The following CPSF4L variants were observed in gnomAD, a reference collection of about 807,000 sequenced individuals.
CPSF4L encodes the protein putative cleavage and polyadenylation specificity factor subunit 4-like protein.
A neutral mutation model predicts 24.0 loss-of-function variants in CPSF4L; 18 were observed. The ratio of observed to expected loss-of-function variants is 0.75; its 90% CI spans 0.52 to 1.11. The LOEUF is 1.11. Ranked by LOEUF, CPSF4L falls within the 50% of genes least tolerant of loss-of-function variation. CPSF4L has a pLI of 0.00. For missense variants in CPSF4L, 211 were observed against 221.8 expected, an observed-to-expected ratio of 0.95 and a Z score of 0.31; for synonymous variants, 72 against 77.2, an observed-to-expected ratio of 0.93 and a Z score of 0.35.
intron 3 of CPSF4L, among the ~76,000 whole-genome samples, chr17:73,255,597 A>G (rs1022318048): frequency 1.3e-5 from 2 of 151,862 alleles, no homozygotes; most frequent in African/African-American, 4.8e-5. Context: ...CTCATTTCAC[A>G]GAGAACGCCA....
intron 2 of CPSF4L, among the ~76,000 whole-genome samples, chr17:73,260,706 G>T (rs1010495854): frequency 1.3e-5 from 2 of 152,202 alleles, no homozygotes; most frequent in African/African-American, 4.8e-5. Flanking sequence ...GGCAGAGGTT[G>T]CAGTGAGTTG....
chr17:73,245,258 ATACT>A (rs1317484327), downstream of CPSF4L: 1 of 1,583,792 alleles, frequency 6.3e-7, no homozygotes, highest in East Asian at 2.3e-5. Flanking sequence ...ACTGCAATAC[ATACT>A]TAACAGTTTA....
At chr17:73,244,108 G>A (rs149044546), downstream of CPSF4L, among the ~76,000 whole-genome samples, 956 of 152,182 alleles carry the variant, frequency 6.3e-3, 3 homozygotes, top group Non-Finnish European at 1.0e-2. Flanking sequence ...TTAACCAGAA[G>A]GAAAATACCT....
Position 73,252,634 on chromosome 17 carries a change from C to A in CPSF4L, c.493G>T (p.Ala165Ser), listed in dbSNP as rs1430649607. The A allele has an allele frequency of 3.9e-6, 6 of 1,545,952 alleles. No homozygotes were observed. In the African/African-American group the frequency reaches 8.2e-5, roughly 21 times the overall value. ...FCPEGPKCQF[A>S]QKIREFKLLP... is the part of the protein sequence containing the mutation. ...TAACTGAGGGATCATACTTACTGAG[C>A]AAATTGGCACTTGGGTCCCTCGGGG... Residue 165 changes from alanine to serine, a missense_variant, in exon 5 of 6, where the codon GCT becomes TCT. Transcript: ENST00000344935.
At chr17:73,248,757 G>GGGC (rs1211479117) in intron 5 of CPSF4L, 7 of 507,306 alleles carry the variant, frequency 1.4e-5, no homozygotes, top group Non-Finnish European at 2.1e-5. Flanking sequence ...ATTAACCTCG[G>GGGC]GGCGGCCTTG....
At chr17:73,262,128 C>A, upstream of CPSF4L, 1 of 311,162 alleles carries the variant, frequency 3.2e-6, no homozygotes, top group Non-Finnish European at 6.0e-6. Flanking sequence ...TTGCATGTTA[C>A]CGAACACAAA....
In CPSF4L at chr17:73,261,685, G is replaced by T. The variant is rs914024268; in HGVS notation, c.103+31C>A. ...CAAAGAAAAAAAAACAGAGAAGGTAGGGGAGGGAAAGTGGCCCCACCCTCA... is the reference window on the plus strand; with the variant it reads ...CAAAGAAAAAAAAACAGAGAAGGTATGGGAGGGAAAGTGGCCCCACCCTCA... On this transcript the variant is annotated intron_variant, in intron 1 of 5. Coordinates refer to ENST00000344935, the MANE Select transcript of CPSF4L (RefSeq NM_001129885.1). 3.6e-6 allele frequency: 5 copies of T among 1,378,404 alleles called. No homozygotes were observed. In the African/African-American group the frequency reaches 7.2e-5, roughly 20 times the overall value. The allele number at this position is 1,378,404 out of a possible 1,614,324, so 85.4% of individuals were successfully genotyped here. A position where few individuals can be genotyped will look rare whatever the true frequency, so the allele number is the denominator to read the frequency against.
At chr17:73,257,582 C>G in intron 3 of CPSF4L, 99 bp downstream of exon 3, 1 of 1,281,892 alleles carries the variant, frequency 7.8e-7, no homozygotes, top group East Asian at 2.5e-5. Context: ...GGGACATGTC[C>G]AGCCTCCTCT....
At chr17:73,243,178 C>T in the CPSF4L span, 2 of 651,114 alleles carry the variant, frequency 3.1e-6, no homozygotes. Flanking sequence ...TTTTGAGATA[C>T]AGTTTTGCTC....
the CPSF4L span, chr17:73,242,836 C>A: frequency 7.3e-7 from 1 of 1,366,394 alleles, no homozygotes; most frequent in Non-Finnish European, 1.0e-6. Context: ...TTGAATGACT[C>A]GCGGATACTG....
downstream of CPSF4L, chr17:73,244,355 G>A (rs2061907209): frequency 6.6e-6 from 1 of 152,098 alleles, no homozygotes; most frequent in South Asian, 2.1e-4. Flanking sequence ...CTGAGGTCAT[G>A]AGTTCAAGAC....
chr17:73,261,066 C>A, intron 1 of CPSF4L, 83 bp from the exon 2 acceptor site: 1 of 1,088,780 alleles, frequency 9.2e-7, no homozygotes, highest in South Asian at 1.4e-5. Context: ...ATCGGCATGT[C>A]CCACCTAGAC....
intron 5 of CPSF4L, among the ~76,000 whole-genome samples, chr17:73,252,203 G>A (rs555485610): frequency 1.6e-3 from 248 of 152,298 alleles, no homozygotes; most frequent in Non-Finnish European, 2.9e-3. Context: ...ACTAAGGGAA[G>A]TGGAGAGAGA....
chr17:73,247,189 A>C (rs1254741356), downstream of CPSF4L: 1 of 1,546,926 alleles, frequency 6.5e-7, no homozygotes. Context: ...TAGTTGCGAC[A>C]GAAACCATAT....
chr17:73,259,798 C>T (rs1193655910), intron 2 of CPSF4L, among the ~76,000 whole-genome samples: 1 of 152,250 alleles, frequency 6.6e-6, no homozygotes, highest in African/African-American at 2.4e-5. Flanking sequence ...TCCAGCCCCC[C>T]AGCTTCCAGG....
chr17:73,259,888 G>C (rs1004632528), intron 2 of CPSF4L, among the ~76,000 whole-genome samples: 1 of 152,218 alleles, frequency 6.6e-6, no homozygotes, highest in Admixed American at 6.5e-5. Flanking sequence ...ATAGGCAAGC[G>C]GGAGGAAGAC....
chr17:73,256,116 G>A (rs1199146744), intron 3 of CPSF4L, among the ~76,000 whole-genome samples: 1 of 152,202 alleles, frequency 6.6e-6, no homozygotes, highest in African/African-American at 2.4e-5. Context: ...TTATCTGGGG[G>A]CGGAGGGGGA....
chr17:73,259,893 G>C (rs923284449), intron 2 of CPSF4L, among the ~76,000 whole-genome samples: 5 of 152,174 alleles, frequency 3.3e-5, no homozygotes, highest in African/African-American at 9.7e-5. Flanking sequence ...CAAGCGGGAG[G>C]AAGACAGGGA....
At chr17:73,255,914 G>A (rs918512459) in intron 3 of CPSF4L, among the ~76,000 whole-genome samples, 2 of 152,150 alleles carry the variant, frequency 1.3e-5, no homozygotes, top group South Asian at 2.1e-4. Flanking sequence ...GGGGGTACTG[G>A]GCTGAAGACC....
Sources: gnomAD v4.1 joint callset for allele counts (sites outside exome capture counted in the v4.1 genomes callset) on GRCh38, gnomAD v4.1.1 for gene constraint, MANE v1.5 for transcripts, NCBI Gene and HGNC (gene_info 2026-07-23, HGNC 2026-07-21) for gene names.